AGBL4: variants seen among roughly 807,000 people sequenced by gnomAD.
The protein encoded by AGBL4 is cytosolic carboxypeptidase 6.
In AGBL4, 58 loss-of-function variants were observed where a neutral mutation model predicts 66.4. That is an observed-to-expected ratio of 0.87 (90% CI 0.71 to 1.09). AGBL4 has a LOEUF of 1.09. Among genes scored for constraint, AGBL4 ranks in the 50% least tolerant of loss-of-function variants. AGBL4 has a pLI of 0.00. For synonymous variants in AGBL4, 234 were observed against 222.9 expected, an observed-to-expected ratio of 1.05 and a Z score of -0.44; for missense variants, 579 against 631.0, an observed-to-expected ratio of 0.92 and a Z score of 0.88.
intron 2 of AGBL4, among the ~76,000 whole-genome samples, chr1:49,739,939 C>T (rs930319839): frequency 4.6e-5 from 7 of 152,164 alleles, no homozygotes; most frequent in East Asian, 1.9e-4. Flanking sequence ...TACCGGCCAC[C>T]GCAAAAACAT....
At chr1:49,394,517 T>C (rs1274713894) in intron 3 of AGBL4, among the ~76,000 whole-genome samples, 2 of 152,112 alleles carry the variant, frequency 1.3e-5, no homozygotes, top group African/African-American at 4.8e-5. Context: ...TGTTGCCTCA[T>C]ATTTCAGACA....
chr1:48,846,343 A>C (rs1646908735), intron 6 of AGBL4, among the ~76,000 whole-genome samples: 1 of 149,132 alleles, frequency 6.7e-6, no homozygotes, highest in African/African-American at 2.5e-5. Flanking sequence ...TAAGAAAAAG[A>C]AAAGAAAGGA....
At chr1:49,554,912 G>C (rs916613118) in intron 3 of AGBL4, among the ~76,000 whole-genome samples, 2 of 152,016 alleles carry the variant, frequency 1.3e-5, no homozygotes, top group African/African-American at 4.8e-5. Context: ...TCGTGGTCTC[G>C]CTGGCCTCAG....
chr1:49,950,302 T>A (rs1423061550), intron 1 of AGBL4, among the ~76,000 whole-genome samples: 2 of 150,924 alleles, frequency 1.3e-5, no homozygotes, highest in African/African-American at 4.9e-5. Context: ...AACTCAAGAA[T>A]GAAAAACCAA....
In AGBL4 at chr1:49,217,688, G is replaced by T. The variant is rs572321472; in HGVS notation, c.377+28082C>A. Among the ~76,000 whole-genome samples, 4 of 152,252 alleles carry T rather than the reference G, an allele frequency of 2.6e-5. No homozygotes were observed. In the South Asian group the frequency reaches 8.3e-4, roughly 32 times the overall value. On this transcript the variant is annotated intron_variant, in intron 4 of 13. Transcript: ENST00000371839. ...GGAACATAATACACACTCAATAAAA[G>T]ATGGTTGAATGAGTGAATAAACAAA...
chr1:49,652,530 T>G (rs934946905), intron 3 of AGBL4, among the ~76,000 whole-genome samples: 1 of 152,160 alleles, frequency 6.6e-6, no homozygotes, highest in Admixed American at 6.5e-5. Flanking sequence ...CATTGTCTGG[T>G]TCTGGAAACT....
intron 3 of AGBL4, among the ~76,000 whole-genome samples, chr1:49,629,657 C>T (rs915049622): frequency 6.6e-6 from 1 of 152,244 alleles, no homozygotes; most frequent in East Asian, 1.9e-4. Context: ...AATTTTGATG[C>T]TTTGTCAATA....
chr1:49,337,910 G>A (rs1427142918), intron 3 of AGBL4, among the ~76,000 whole-genome samples: 1 of 152,172 alleles, frequency 6.6e-6, no homozygotes, highest in African/African-American at 2.4e-5. Context: ...CACCAATAAT[G>A]CACCAAGATC....
At chr1:49,581,868 A>G (rs2148884275) in intron 3 of AGBL4, among the ~76,000 whole-genome samples, 1 of 152,172 alleles carries the variant, frequency 6.6e-6, no homozygotes, top group South Asian at 2.1e-4. Context: ...GAGGCAAGTG[A>G]GTGGGCTCTT....
At position 49,406,569 on chromosome 1, in the gene AGBL4, A is replaced by T. The variant is rs118001226; in HGVS notation, c.283-160705T>A. Among the ~76,000 whole-genome samples, 1,219 of 152,330 alleles carry T rather than the reference A, an allele frequency of 8.0e-3. 6 individuals carry two copies. Among genetic ancestry groups the T allele is most frequent in the Middle Eastern group, 0.031 (9 of 294 alleles). On this transcript the variant is annotated intron_variant, in intron 3 of 13. Transcript: ENST00000371839. The stretch of plus-strand genomic sequence containing the variant: ...TTTTTATATATTTTAGTAGTGTGAT[A>T]AATGTTTATACAATAATATGTGATA...
At chr1:48,651,613 G>A (rs1199473844) in intron 8 of AGBL4, among the ~76,000 whole-genome samples, 1 of 152,198 alleles carries the variant, frequency 6.6e-6, no homozygotes, top group Non-Finnish European at 1.5e-5. Context: ...GAATGCTAAT[G>A]AACCATCACT....
chr1:49,695,053 G>C (rs1646958356), intron 3 of AGBL4, among the ~76,000 whole-genome samples: 1 of 152,030 alleles, frequency 6.6e-6, no homozygotes, highest in African/African-American at 2.4e-5. Flanking sequence ...TGATTCTCTT[G>C]TTTGAAAAGT....
chr1:49,896,425 T>A (rs1329444048), intron 1 of AGBL4, among the ~76,000 whole-genome samples: 1 of 151,860 alleles, frequency 6.6e-6, no homozygotes, highest in Non-Finnish European at 1.5e-5. Context: ...TAAGGAAAAG[T>A]CTCTGACCAA....
At chr1:49,992,304 G>A (rs373701222) in intron 1 of AGBL4, among the ~76,000 whole-genome samples, 12 of 151,820 alleles carry the variant, frequency 7.9e-5, no homozygotes, top group African/African-American at 1.7e-4. Context: ...CCCAGGAGGC[G>A]GAGTTTGCAG....
In AGBL4 at chr1:48,984,456, T is replaced by TA. The variant is rs983809224; in HGVS notation, c.594+61127dup. 3.9e-4 allele frequency among the ~76,000 whole-genome samples: 57 copies of TA among 145,708 alleles called. No homozygotes were observed. The East Asian group carries it at 4.5e-3, about 11-fold the overall frequency. ...TTGGCTAGTATGTTTTATCTTTCTT[T>TA]AAAAAAAAAATCTGCCTGAGCCTCG... On this transcript the variant is annotated intron_variant, in intron 5 of 13. Transcript: ENST00000371839.
At chr1:49,332,947 T>G (rs1159384694) in intron 3 of AGBL4, among the ~76,000 whole-genome samples, 1 of 152,196 alleles carries the variant, frequency 6.6e-6, no homozygotes, top group Non-Finnish European at 1.5e-5. Flanking sequence ...GACGTTTTAA[T>G]GATCGCCATA....
At chr1:49,114,479 G>C (rs1479982125) in intron 4 of AGBL4, among the ~76,000 whole-genome samples, 1 of 152,098 alleles carries the variant, frequency 6.6e-6, no homozygotes, top group Non-Finnish European at 1.5e-5. Context: ...AGGCTGTTTT[G>C]CTTTCTTATG....
At chr1:48,849,164 T>G (rs1370349293) in intron 6 of AGBL4, among the ~76,000 whole-genome samples, 4 of 152,190 alleles carry the variant, frequency 2.6e-5, no homozygotes, top group Admixed American at 1.3e-4. Flanking sequence ...TTGCAAGACT[T>G]AGGTTGATAG....
chr1:49,460,075 GA>G (rs1047553549), intron 3 of AGBL4, among the ~76,000 whole-genome samples: 7 of 151,612 alleles, frequency 4.6e-5, no homozygotes, highest in African/African-American at 1.5e-4. Flanking sequence ...CTGATTAATA[GA>G]ATGTGTATTC....
Sources: allele counts gnomAD v4.1 joint callset (sites outside exome capture counted in the v4.1 genomes callset), GRCh38; gene constraint gnomAD v4.1.1; transcripts MANE v1.5; gene names NCBI Gene and HGNC (gene_info 2026-07-23, HGNC 2026-07-21).